SKIC3: variants seen among roughly 807,000 people sequenced by gnomAD.
The protein encoded by SKIC3 is superkiller complex protein 3.
At chr5:95,468,473 C>T in the SKIC3 span, among the ~76,000 whole-genome samples, 1 of 152,096 alleles carries the variant, frequency 6.6e-6, no homozygotes, top group Non-Finnish European at 1.5e-5. Context: ...AGGCTTTTAG[C>T]ATATGTTTTC....
the SKIC3 span, chr5:95,517,067 G>A: frequency 1.9e-6 from 3 of 1,613,514 alleles, no homozygotes; most frequent in South Asian, 1.1e-5. Flanking sequence ...ACACCTACGG[G>A]AATATAAAAG....
chr5:95,516,305 T>C, the SKIC3 span: 2 of 1,602,858 alleles, frequency 1.2e-6, no homozygotes, highest in South Asian at 1.1e-5. Context: ...GACAATAATA[T>C]AGAAAACATT....
chr5:95,541,895 G>A, the SKIC3 span: 4 of 1,611,044 alleles, frequency 2.5e-6, no homozygotes, highest in East Asian at 6.7e-5. Context: ...TCTCATACAA[G>A]TTTGCTAACC....
chr5:95,484,710 A>C, the SKIC3 span: 1 of 1,613,970 alleles, frequency 6.2e-7, no homozygotes. Context: ...TTCAATGCAC[A>C]TTCCATAAAA....
chr5:95,534,521 C>T, the SKIC3 span, among the ~76,000 whole-genome samples: 1 of 152,138 alleles, frequency 6.6e-6, no homozygotes, highest in African/African-American at 2.4e-5. Context: ...AATTCAATCA[C>T]TTTCATTTAA....
the SKIC3 span, chr5:95,512,664 C>A: frequency 1.2e-6 from 2 of 1,608,650 alleles, no homozygotes; most frequent in South Asian, 2.2e-5. Context: ...ATAAATGTGT[C>A]AATAAAAATT....
chr5:95,476,339 G>A, the SKIC3 span, among the ~76,000 whole-genome samples: 4 of 152,036 alleles, frequency 2.6e-5, no homozygotes, highest in Non-Finnish European at 5.9e-5. Flanking sequence ...ATCTTGATCT[G>A]ATATCTCACT....
chr5:95,503,801 G>A, the SKIC3 span: 3 of 1,613,296 alleles, frequency 1.9e-6, 1 homozygote, highest in African/African-American at 4.0e-5. Flanking sequence ...TAGCTTCAGA[G>A]CAATATACTT....
At chr5:95,536,137 G>C in the SKIC3 span, among the ~76,000 whole-genome samples, 7 of 152,198 alleles carry the variant, frequency 4.6e-5, no homozygotes, top group Non-Finnish European at 1.5e-5. Context: ...CAGCAAGCTA[G>C]TTGTCATCAG....
the SKIC3 span, chr5:95,507,051 T>C: frequency 6.4e-7 from 1 of 1,564,282 alleles, no homozygotes; most frequent in Non-Finnish European, 8.8e-7. Flanking sequence ...CTCTGTGCAA[T>C]AGCATTCTGT....
chr5:95,506,915 G>C, the SKIC3 span: 3,855 of 1,611,510 alleles, frequency 2.4e-3, 73 homozygotes, highest in African/African-American at 0.04. Context: ...CAGAATTAAT[G>C]GAGAAAAAAT....
the SKIC3 span, among the ~76,000 whole-genome samples, chr5:95,492,654 A>C: frequency 1.8e-5 from 1 of 54,112 alleles, no homozygotes; most frequent in African/African-American, 2.4e-4. Context: ...AAAAAAAAGA[A>C]AAAAAAAAAA....
chr5:95,507,631 C>T, the SKIC3 span, among the ~76,000 whole-genome samples: 10 of 152,070 alleles, frequency 6.6e-5, no homozygotes, highest in Non-Finnish European at 8.8e-5. Context: ...CATTTAAAGA[C>T]GACTGGCTAG....
chr5:95,503,787 T>C, the SKIC3 span: 1 of 1,612,780 alleles, frequency 6.2e-7, no homozygotes, highest in Non-Finnish European at 8.5e-7. Flanking sequence ...TCTAAATGTG[T>C]CCTTAGCTTC....
At chr5:95,469,410 G>A in the SKIC3 span, among the ~76,000 whole-genome samples, 1 of 152,120 alleles carries the variant, frequency 6.6e-6, no homozygotes, top group Admixed American at 6.5e-5. Context: ...AACTGATAAT[G>A]TAGCCTTGTG....
chr5:95,548,458 A>C, the SKIC3 span: 1 of 152,082 alleles, frequency 6.6e-6, no homozygotes, highest in East Asian at 1.9e-4. Flanking sequence ...AGCTAGAACC[A>C]GATTCCCTAA....
the SKIC3 span, among the ~76,000 whole-genome samples, chr5:95,540,513 C>G: frequency 0.27 from 40,911 of 151,798 alleles, 7,795 homozygotes; most frequent in African/African-American, 0.54. Flanking sequence ...GAGCAAAGAT[C>G]TGAACACACA....
the SKIC3 span, among the ~76,000 whole-genome samples, chr5:95,531,297 A>G: frequency 6.6e-6 from 1 of 152,222 alleles, no homozygotes; most frequent in Non-Finnish European, 1.5e-5. Context: ...CCAAAAATGA[A>G]AAGAATTAAT....
chr5:95,539,959 T>A, the SKIC3 span, among the ~76,000 whole-genome samples: 219 of 152,040 alleles, frequency 1.4e-3, no homozygotes, highest in African/African-American at 5.0e-3. Flanking sequence ...TGCACATGCA[T>A]GTTTATAGCG....
Sources: gnomAD v4.1 joint callset for allele counts (sites outside exome capture counted in the v4.1 genomes callset) on GRCh38, gnomAD v4.1.1 for gene constraint, MANE v1.5 for transcripts, NCBI Gene and HGNC (gene_info 2026-07-23, HGNC 2026-07-21) for gene names.